SCAF8: variants seen among roughly 807,000 people sequenced by gnomAD.
SCAF8 encodes SR-related CTD associated factor 8.
In SCAF8, 23 loss-of-function variants were observed where a neutral mutation model predicts 140.5. The ratio of observed to expected loss-of-function variants is 0.16; its 90% CI spans 0.12 to 0.23. SCAF8 has a LOEUF of 0.23. SCAF8 is among the 10% of genes least tolerant of loss of function. SCAF8 has a pLI of 1.00. For missense variants in SCAF8, 1,397 were observed against 1,555.7 expected, an observed-to-expected ratio of 0.90 and a Z score of 1.72; for synonymous variants, 575 against 528.9, an observed-to-expected ratio of 1.09 and a Z score of -1.20.
At chr6:154,794,775 T>TGGGG (rs1562449798) in intron 5 of SCAF8, among the ~76,000 whole-genome samples, 1 of 6,694 alleles carries the variant, frequency 1.5e-4, no homozygotes, top group Non-Finnish European at 3.3e-4. Flanking sequence ...GGGGGGGGTG[T>TGGGG]GGGGGGTGTG....
chr6:154,832,737 C>T lies in SCAF8; in HGVS notation c.3158C>T (p.Pro1053Leu), dbSNP rs781005184. Residue 1053 changes from proline to leucine, a missense_variant, in exon 20 of 20, where the codon CCA (proline) becomes CTA (leucine). By Grantham distance (98) the Pro-to-Leu change is moderately conservative. Coordinates refer to ENST00000367178, the MANE Select transcript of SCAF8 (RefSeq NM_014892.5). ...IDPREGPGRP[P>L]LDGRDHFGRP... ...CCAAGAGAAGGTCCTGGACGGCCTC[C>T]ACTAGATGGTAGGGATCATTTTGGA... 1.2e-6 allele frequency: 2 copies of T among 1,613,866 alleles called. No homozygotes were observed. Among genetic ancestry groups the T allele is most frequent in the East Asian group, 4.5e-5 (2 of 44,854 alleles).
intron 13 of SCAF8, among the ~76,000 whole-genome samples, chr6:154,816,101 A>T (rs1015731934): frequency 6.6e-6 from 1 of 152,176 alleles, no homozygotes; most frequent in East Asian, 1.9e-4. Context: ...CAGGAACCCT[A>T]TGTGTGGTCT....
intron 3 of SCAF8, among the ~76,000 whole-genome samples, chr6:154,783,226 T>C (rs1296452891): frequency 1.3e-5 from 2 of 152,182 alleles, no homozygotes; most frequent in Non-Finnish European, 2.9e-5. Context: ...CTGTATGAAA[T>C]CCCTTGCCTT....
Position 154,733,926 on chromosome 6 carries a change from G to A in SCAF8, c.26G>A (p.Ser9Asn). 1 of 1,535,562 alleles carries A rather than the reference G, an allele frequency of 6.5e-7. No homozygotes were observed. The highest frequency in any genetic ancestry group is 1.4e-5 in the African/African-American group (1 of 69,364). The change falls in exon 1 of 20, where the codon AGC (serine) becomes AAC (asparagine). Residue 9 changes from serine to asparagine, a missense_variant. Coordinates refer to ENST00000367178, the MANE Select transcript of SCAF8 (RefSeq NM_014892.5). The stretch of plus-strand genomic sequence containing the variant: ...ATGGAGGCCGTGAAGACCTTCAATA[G>A]CGAGGTTGGTATGGCAGCCGGGTTC... MEAVKTFN[S>N]ELYSLNDYKP...
chr6:154,800,532 C>T (rs766160378), intron 6 of SCAF8, among the ~76,000 whole-genome samples: 1 of 151,420 alleles, frequency 6.6e-6, no homozygotes, highest in Non-Finnish European at 1.5e-5. Flanking sequence ...GGGGAATCAC[C>T]AGGGACTTTT....
At chr6:154,735,247 A>C (rs1388877229) in intron 1 of SCAF8, among the ~76,000 whole-genome samples, 1 of 152,138 alleles carries the variant, frequency 6.6e-6, no homozygotes, top group Non-Finnish European at 1.5e-5. Flanking sequence ...AGTATCTTTA[A>C]TATTTACCTC....
intron 1 of SCAF8, among the ~76,000 whole-genome samples, chr6:154,737,545 C>T (rs1778456301): frequency 6.6e-6 from 1 of 152,004 alleles, no homozygotes; most frequent in Non-Finnish European, 1.5e-5. Context: ...ATTAGCTGGT[C>T]ACGGTGGCAT....
At position 154,738,588 on chromosome 6, in the gene SCAF8, A is replaced by C. The variant is rs151043035; in HGVS notation, c.30+4658A>C. Among the ~76,000 whole-genome samples, 99 of 152,348 alleles carry C rather than the reference A, an allele frequency of 6.5e-4. 1 individual carries two copies. The highest frequency in any genetic ancestry group is 2.0e-3 in the African/African-American group (84 of 41,574). Reference sequence around the variant, plus strand: ...TCAATTCTGAAATGATGGAAGACTTAAGTTCAGATTACAATACAAGATTTC... The same window carrying C: ...TCAATTCTGAAATGATGGAAGACTTCAGTTCAGATTACAATACAAGATTTC... On this transcript the variant is annotated intron_variant, in intron 1 of 19. Coordinates refer to ENST00000367178, the MANE Select transcript of SCAF8 (RefSeq NM_014892.5).
At chr6:154,737,194 A>G (rs1331330684) in intron 1 of SCAF8, among the ~76,000 whole-genome samples, 3 of 152,314 alleles carry the variant, frequency 2.0e-5, no homozygotes, top group Non-Finnish European at 2.9e-5. Context: ...GATGTTTTCG[A>G]CGCTCATAGT....
At chr6:154,751,026 G>GTTA (rs1292030486) in intron 1 of SCAF8, among the ~76,000 whole-genome samples, 1 of 151,834 alleles carries the variant, frequency 6.6e-6, no homozygotes, top group Non-Finnish European at 1.5e-5. Flanking sequence ...TTAAAATGAA[G>GTTA]TTATTTTCAT....
At chr6:154,741,158 T>C (rs1582992148) in intron 1 of SCAF8, among the ~76,000 whole-genome samples, 1 of 152,306 alleles carries the variant, frequency 6.6e-6, no homozygotes, top group East Asian at 1.9e-4. Flanking sequence ...ATATAGAAGT[T>C]TTTTTCTTAC....
intron 1 of SCAF8, among the ~76,000 whole-genome samples, chr6:154,737,223 T>C (rs1463019947): frequency 6.6e-6 from 1 of 152,244 alleles, no homozygotes. Flanking sequence ...TAAAGGTGTT[T>C]ATCTTTGGGT....
intron 1 of SCAF8, among the ~76,000 whole-genome samples, chr6:154,738,608 G>C (rs969041258): frequency 6.6e-6 from 1 of 152,194 alleles, no homozygotes; most frequent in Non-Finnish European, 1.5e-5. Flanking sequence ...TACAATACAA[G>C]ATTTCCTCAG....
chr6:154,749,497 GA>G (rs1778787971), intron 1 of SCAF8, among the ~76,000 whole-genome samples: 2 of 152,150 alleles, frequency 1.3e-5, no homozygotes, highest in Non-Finnish European at 2.9e-5. Flanking sequence ...AGCTCTTTCT[GA>G]TGGGGTGGGG....
chr6:154,747,896 CTG>C (rs71021073), intron 1 of SCAF8, among the ~76,000 whole-genome samples: 14,721 of 144,450 alleles, frequency 0.1, 901 homozygotes, highest in East Asian at 0.23. Context: ...CATTTCATTT[CTG>C]TGTGTGTGTG....
rs568748396 is a variant in SCAF8, at chr6:154,833,712, A to G, written c.*317A>G. ...TGGAAGAAAGAATTTTTTAGATACTATCATTAGGTTGGATATGGTAATAGA... is the reference window on the plus strand; with the variant it reads ...TGGAAGAAAGAATTTTTTAGATACTGTCATTAGGTTGGATATGGTAATAGA... On this transcript the variant is annotated 3_prime_UTR_variant, in exon 20 of 20. Transcript: ENST00000367178. The G allele has an allele frequency of 4.3e-5, 10 of 232,154 alleles. No individual in the cohort carries two copies. Among genetic ancestry groups the G allele is most frequent in the African/African-American group, 6.9e-5 (3 of 43,444 alleles). The allele number at this position is 232,154 out of a possible 1,614,324, so 14.4% of individuals were successfully genotyped here.
intron 1 of SCAF8, among the ~76,000 whole-genome samples, chr6:154,738,124 A>G (rs1778474978): frequency 6.6e-6 from 1 of 151,806 alleles, no homozygotes; most frequent in Non-Finnish European, 1.5e-5. Context: ...GTTCGAGGCT[A>G]TAGAGTGCAA....
chr6:154,828,821 TATTATTA>T (rs1189200656), intron 18 of SCAF8, among the ~76,000 whole-genome samples: 1 of 152,180 alleles, frequency 6.6e-6, no homozygotes, highest in South Asian at 2.1e-4. Flanking sequence ...GAATATGAAG[TATTATTA>T]AAGAAATTAG....
chr6:154,741,202 A>T (rs982590809), intron 1 of SCAF8, among the ~76,000 whole-genome samples: 1 of 152,220 alleles, frequency 6.6e-6, no homozygotes, highest in Non-Finnish European at 1.5e-5. Flanking sequence ...ATTGAAACTG[A>T]TAATGGTTTT....
Sources: gnomAD v4.1 joint callset for allele counts (sites outside exome capture counted in the v4.1 genomes callset) on GRCh38, gnomAD v4.1.1 for gene constraint, MANE v1.5 for transcripts, NCBI Gene and HGNC (gene_info 2026-07-23, HGNC 2026-07-21) for gene names.